ASAP2: variants seen among roughly 807,000 people sequenced by gnomAD.
ASAP2 encodes the protein ArfGAP with SH3 domain, ankyrin repeat and PH domain 2, also known as arf-GAP with SH3 domain, ANK repeat and PH domain-containing protein 2.
Under a neutral mutation model 131.4 loss-of-function variants are expected in ASAP2, and 45 were observed. That is an observed-to-expected ratio of 0.34 (90% CI 0.27 to 0.44). The LOEUF (loss-of-function observed/expected upper bound fraction) is 0.44. Ranked by LOEUF, ASAP2 falls within the 20% of genes least tolerant of loss-of-function variation. ASAP2 has a pLI of 1.00. For missense variants in ASAP2, 1,011 were observed against 1,297.0 expected, an observed-to-expected ratio of 0.78 and a Z score of 3.39; for synonymous variants, 510 against 503.0, an observed-to-expected ratio of 1.01 and a Z score of -0.19.
chr2:9,388,584 G>A (rs1675481560), intron 22 of ASAP2, 38 bp downstream of exon 22: 4 of 1,581,822 alleles, frequency 2.5e-6, no homozygotes, highest in Admixed American at 4.0e-5. Context: ...ATATATAGAG[G>A]GTCTTGTTTT....
At chr2:9,401,222 T>C in intron 26 of ASAP2, 52 bp from the exon 27 acceptor site, 3 of 1,605,840 alleles carry the variant, frequency 1.9e-6, no homozygotes, top group Non-Finnish European at 2.6e-6. Flanking sequence ...CTCTCTGCCC[T>C]GAGAGCTGAG....
At chr2:9,359,186 C>T (rs773659826) in intron 15 of ASAP2, among the ~76,000 whole-genome samples, 31 of 152,324 alleles carry the variant, frequency 2.0e-4, no homozygotes, top group South Asian at 4.1e-4. Flanking sequence ...GACCAGCTCA[C>T]CCCATCCATT....
chr2:9,404,846 TC>T lies in ASAP2; in HGVS notation c.*1521del, dbSNP rs1677078510. The T allele has an allele frequency of 6.6e-6, 1 of 152,584 alleles. No homozygotes were observed. Among genetic ancestry groups the T allele is most frequent in the Non-Finnish European group, 1.5e-5 (1 of 68,034 alleles). 9.5% of individuals were successfully genotyped at this position (152,584 alleles called of 1,614,324 possible). A position where few individuals can be genotyped will look rare whatever the true frequency, so the allele number is the denominator to read the frequency against. ...GCAATCGCTTTTTACCTTTCAAAGT[TC>T]CGGGTAAAAATGTGTTATATCTGTA... On this transcript the variant is annotated 3_prime_UTR_variant, in exon 28 of 28. Coordinates refer to ENST00000281419, the MANE Select transcript of ASAP2 (RefSeq NM_003887.3).
intron 1 of ASAP2, among the ~76,000 whole-genome samples, chr2:9,264,190 C>CAAA (rs113543532): frequency 4.0e-4 from 50 of 123,582 alleles, no homozygotes; most frequent in African/African-American, 1.3e-3. Context: ...GACCCTGTCT[C>CAAA]AAAAAAATAA....
chr2:9,294,856 C>T (rs930696970), intron 2 of ASAP2, among the ~76,000 whole-genome samples: 2 of 152,142 alleles, frequency 1.3e-5, no homozygotes, highest in African/African-American at 4.8e-5. Context: ...AGACCCATGG[C>T]TCAGAAAGCA....
At chr2:9,375,041 C>A in intron 17 of ASAP2, 97 bp downstream of exon 17, 3 of 996,616 alleles carry the variant, frequency 3.0e-6, no homozygotes, top group Non-Finnish European at 4.0e-6. Flanking sequence ...GAGGCCAAGG[C>A]GGAGGATCCT....
chr2:9,372,070 G>A (rs1397933106), intron 16 of ASAP2, among the ~76,000 whole-genome samples: 2 of 152,194 alleles, frequency 1.3e-5, no homozygotes, highest in African/African-American at 4.8e-5. Flanking sequence ...CTGGGCAGAT[G>A]AGTAAATACA....
In ASAP2 at chr2:9,248,620, G is replaced by A. The variant is rs149443820; in HGVS notation, c.127-30697G>A. Among the ~76,000 whole-genome samples, 5 of 152,194 alleles carry A rather than the reference G, an allele frequency of 3.3e-5. No individual in the cohort carries two copies. The East Asian group carries it at 5.8e-4, about 18-fold the overall frequency. ...AAACACACCTAGAACTAGGCAAGAC[G>A]CTGACGGTGAGGTCTTAGATACCCA... On this transcript the variant is annotated intron_variant, in intron 1 of 27. Coordinates refer to ENST00000281419, the MANE Select transcript of ASAP2 (RefSeq NM_003887.3).
At chr2:9,291,483 C>T (rs1329093585) in intron 2 of ASAP2, among the ~76,000 whole-genome samples, 3 of 152,092 alleles carry the variant, frequency 2.0e-5, no homozygotes, top group African/African-American at 4.8e-5. Context: ...CATGTACAGC[C>T]GACAGCCGGA....
intron 7 of ASAP2, among the ~76,000 whole-genome samples, chr2:9,333,529 G>T (rs1038444082): frequency 6.6e-6 from 1 of 152,190 alleles, no homozygotes; most frequent in Admixed American, 6.5e-5. Context: ...TCAGCCAGGT[G>T]AAGCAGACAC....
At chr2:9,385,137 C>T (rs1236049695) in intron 20 of ASAP2, 108 bp from the exon 21 acceptor site, 3 of 740,510 alleles carry the variant, frequency 4.1e-6, no homozygotes, top group Non-Finnish European at 6.9e-6. Flanking sequence ...GATTTCCATG[C>T]ATTTGCCTTG....
intron 7 of ASAP2, among the ~76,000 whole-genome samples, chr2:9,332,251 A>G (rs1670893407): frequency 6.6e-6 from 1 of 152,148 alleles, no homozygotes; most frequent in Non-Finnish European, 1.5e-5. Flanking sequence ...TTCTGGGGCT[A>G]TGTAGTTAGG....
intron 9 of ASAP2, among the ~76,000 whole-genome samples, chr2:9,343,189 C>G (rs950026383): frequency 6.6e-6 from 1 of 152,192 alleles, no homozygotes; most frequent in East Asian, 1.9e-4. Flanking sequence ...TCTGCTCTTG[C>G]TTTAAGGAGC....
chr2:9,267,375 T>TA (rs1417527532), intron 1 of ASAP2, among the ~76,000 whole-genome samples: 1 of 152,138 alleles, frequency 6.6e-6, no homozygotes, highest in Admixed American at 6.5e-5. Flanking sequence ...AGCTCCCACT[T>TA]ATAAGTGAGA....
intron 20 of ASAP2, among the ~76,000 whole-genome samples, chr2:9,383,205 A>C (rs1016174713): frequency 6.6e-6 from 1 of 151,976 alleles, no homozygotes; most frequent in African/African-American, 2.4e-5. Flanking sequence ...CAGTCTTAGG[A>C]TATGTTATCT....
At chr2:9,244,955 A>G (rs1204576737) in intron 1 of ASAP2, among the ~76,000 whole-genome samples, 1 of 152,144 alleles carries the variant, frequency 6.6e-6, no homozygotes, top group Non-Finnish European at 1.5e-5. Flanking sequence ...GGGTGACACG[A>G]TGGTGTGTGA....
chr2:9,266,147 C>CTTTTTT (rs3053782), intron 1 of ASAP2, among the ~76,000 whole-genome samples: 2,484 of 133,770 alleles, frequency 0.019, 58 homozygotes, highest in Admixed American at 0.066. Context: ...GCCTTTTTAT[C>CTTTTTT]TTTTTTTTTT....
intron 11 of ASAP2, among the ~76,000 whole-genome samples, chr2:9,345,787 C>G (rs912669961): frequency 6.6e-6 from 1 of 152,094 alleles, no homozygotes; most frequent in Non-Finnish European, 1.5e-5. Flanking sequence ...TTTCTGGCCC[C>G]TATAGAAATG....
At chr2:9,393,141 G>A (rs1000640946) in intron 23 of ASAP2, among the ~76,000 whole-genome samples, 1 of 152,184 alleles carries the variant, frequency 6.6e-6, no homozygotes, top group Non-Finnish European at 1.5e-5. Context: ...CCCGGGCAGA[G>A]CTGAGGGCCC....
Sources: gnomAD v4.1 joint callset for allele counts (sites outside exome capture counted in the v4.1 genomes callset) on GRCh38, gnomAD v4.1.1 for gene constraint, MANE v1.5 for transcripts, NCBI Gene and HGNC (gene_info 2026-07-23, HGNC 2026-07-21) for gene names.